JAKMIP1: variants seen among roughly 807,000 people sequenced by gnomAD.
The protein encoded by JAKMIP1 is janus kinase and microtubule interacting protein 1.
In JAKMIP1, 33 loss-of-function variants were observed where a neutral mutation model predicts 113.0. The ratio of observed to expected loss-of-function variants is 0.29; its 90% CI spans 0.22 to 0.39. The LOEUF is 0.39. Ranked by LOEUF, JAKMIP1 falls within the 10% of genes least tolerant of loss-of-function variation. The pLI, the probability that JAKMIP1 is intolerant of heterozygous loss-of-function variation, is 1.00. For missense variants in JAKMIP1, 813 were observed against 1,080.5 expected (o/e 0.75, Z 3.47); for synonymous variants, 480 against 459.9 (o/e 1.04, Z -0.56).
rs904374395 is a variant in JAKMIP1, at chr4:6,044,370, G to C, written c.2029-2143C>G. Among the ~76,000 whole-genome samples the C allele has an allele frequency of 6.6e-6, 1 of 152,126 alleles. No individual in the cohort carries two copies. The highest frequency in any genetic ancestry group is 1.5e-5 in the Non-Finnish European group (1 of 68,030). On this transcript the variant is annotated intron_variant, in intron 16 of 20. Coordinates refer to ENST00000409021, the MANE Select transcript of JAKMIP1 (RefSeq NM_001099433.2). This position sits in a 1 kb window ranked among gnomAD's most constrained non-coding sequence, Gnocchi z 4.4. ...TGGTGGGGTGTGTGCTGCCTGAACA[G>C]AGGGGACTAGAACTGATCGGCTCCT...
intron 12 of JAKMIP1, 36 bp downstream of exon 12, chr4:6,056,661 T>C: frequency 6.4e-7 from 1 of 1,573,212 alleles, no homozygotes; most frequent in Non-Finnish European, 8.7e-7. Context: ...CCAACTGCCC[T>C]GCGGCTGTGT....
At chr4:6,082,008 C>G (rs1720633338) in intron 5 of JAKMIP1, among the ~76,000 whole-genome samples, 1 of 152,144 alleles carries the variant, frequency 6.6e-6, no homozygotes, top group African/African-American at 2.4e-5. Context: ...GTGGTAGTCT[C>G]CCAGTGTTAT....
chr4:6,043,777 T>C (rs955901514), intron 16 of JAKMIP1, among the ~76,000 whole-genome samples: 2 of 127,716 alleles, frequency 1.6e-5, no homozygotes, highest in African/African-American at 3.0e-5. Flanking sequence ...GCAAGTTCCC[T>C]AAAAAACACA....
intron 1 of JAKMIP1, among the ~76,000 whole-genome samples, chr4:6,131,988 G>T (rs1402332958): frequency 6.6e-6 from 1 of 152,138 alleles, no homozygotes; most frequent in Non-Finnish European, 1.5e-5. Flanking sequence ...AATGACAAAG[G>T]TCAGAAACTC....
rs1423432238 is a variant in JAKMIP1, at chr4:6,031,165, G to A, written c.2380-1384C>T. Among the ~76,000 whole-genome samples the A allele has an allele frequency of 6.6e-6, 1 of 152,192 alleles. No individual in the cohort carries two copies. The highest frequency in any genetic ancestry group is 1.5e-5 in the Non-Finnish European group (1 of 68,040). On this transcript the variant is annotated intron_variant, in intron 19 of 20. Coordinates refer to ENST00000409021, the MANE Select transcript of JAKMIP1 (RefSeq NM_001099433.2). The surrounding 1 kb of genome is among the most constrained non-coding windows in gnomAD (Gnocchi z 4.4). ...AAACCAAGAGGGGCTGGGCACGGTG[G>A]CTCAAGCCTGTAATCCCAGCACTTT...
rs909174724 is a variant in JAKMIP1 at position 6,176,622 on chromosome 4, T to C, written c.-148+23631A>G. On this transcript the variant is annotated intron_variant, in intron 1 of 20. Transcript: ENST00000409021. The surrounding 1 kb of genome is among the most constrained non-coding windows in gnomAD (Gnocchi z 5.5). ...TGGGAGATAACTCCATGTTTACAAATGGGGAAACTGAGGCTTGCAGTGGTA... is the reference window on the plus strand; with the variant it reads ...TGGGAGATAACTCCATGTTTACAAACGGGGAAACTGAGGCTTGCAGTGGTA... 6.6e-6 allele frequency among the ~76,000 whole-genome samples: 1 copy of C among 152,058 alleles called. No individual in the cohort carries two copies. The highest frequency in any genetic ancestry group is 1.5e-5 in the Non-Finnish European group (1 of 68,004).
At chr4:6,098,940 T>C (rs11722964) in intron 3 of JAKMIP1, among the ~76,000 whole-genome samples, 72,519 of 152,082 alleles carry the variant, frequency 0.48, 18,586 homozygotes, top group East Asian at 0.75. Context: ...GTAGCTTTTG[T>C]GCTCATCTTC....
At chr4:6,099,398 C>T (rs1009743056) in intron 3 of JAKMIP1, among the ~76,000 whole-genome samples, 1 of 152,188 alleles carries the variant, frequency 6.6e-6, no homozygotes, top group Non-Finnish European at 1.5e-5. Flanking sequence ...CCTTTTTAAA[C>T]CTTGATTTGT....
chr4:6,068,636 C>T (rs565445436), intron 8 of JAKMIP1, among the ~76,000 whole-genome samples: 2 of 148,476 alleles, frequency 1.3e-5, no homozygotes, highest in Non-Finnish European at 3.0e-5. Flanking sequence ...CAACTTACTA[C>T]AACTTCCGTC....
intron 1 of JAKMIP1, among the ~76,000 whole-genome samples, chr4:6,130,571 G>A (rs1253036338): frequency 1.3e-5 from 2 of 152,146 alleles, no homozygotes; most frequent in African/African-American, 4.8e-5. Context: ...TAGAGAAGCT[G>A]GAATGATCAG....
chr4:6,169,934 C>T (rs1054030284), intron 1 of JAKMIP1, among the ~76,000 whole-genome samples: 1 of 151,200 alleles, frequency 6.6e-6, no homozygotes, highest in African/African-American at 2.4e-5. Context: ...TCTACCACCA[C>T]CGATACTACC....
intron 1 of JAKMIP1, among the ~76,000 whole-genome samples, chr4:6,148,067 T>A (rs1721072103): frequency 6.6e-6 from 1 of 152,234 alleles, no homozygotes; most frequent in African/African-American, 2.4e-5. Flanking sequence ...CCACAGGTAC[T>A]AAGCAGGTGC....
At chr4:6,104,600 T>C (rs983039198) in intron 3 of JAKMIP1, among the ~76,000 whole-genome samples, 4 of 152,264 alleles carry the variant, frequency 2.6e-5, no homozygotes, top group African/African-American at 9.6e-5. Flanking sequence ...TGTTACTCTT[T>C]GATCCAGTCT....
At chr4:6,130,037 T>C (rs1298049646) in intron 1 of JAKMIP1, among the ~76,000 whole-genome samples, 1 of 152,220 alleles carries the variant, frequency 6.6e-6, no homozygotes, top group East Asian at 1.9e-4. Context: ...TCTGGCCTCA[T>C]GGTCAGAGAC....
In JAKMIP1 at chr4:6,106,515, T is replaced by G. The variant is rs1713978803; in HGVS notation, c.130-548A>C. ...TCACGGTCTTGGGAAGGAAGTAGCG[T>G]GCTCCCTCTCTTTCTCCCTCTCTCC... On this transcript the variant is annotated intron_variant, in intron 2 of 20. Coordinates refer to ENST00000409021, the MANE Select transcript of JAKMIP1 (RefSeq NM_001099433.2). The surrounding 1 kb of genome is among the most constrained non-coding windows in gnomAD (Gnocchi z 5.9). Among the ~76,000 whole-genome samples the G allele has an allele frequency of 6.6e-6, 1 of 151,164 alleles. No individual in the cohort carries two copies. The highest frequency in any genetic ancestry group is 1.5e-5 in the Non-Finnish European group (1 of 67,886).
chr4:6,112,763 G>A lies in JAKMIP1; in HGVS notation c.88C>T (p.Leu30=), dbSNP rs1715155470. 11 of 1,614,074 alleles carry A rather than the reference G, an allele frequency of 6.8e-6. No homozygotes were observed. In the East Asian group the frequency reaches 2.5e-4, roughly 36 times the overall value. ...TGGAACTCGATCTGAATGCTGGTCA[G>A]CTTGGCCCGCAGCTCCTCGTTGGCC... ...QMANEELRAK[L]TSIQIEFQQE... The change falls in exon 2 of 21, where the codon CTG becomes TTG. Residue 30 remains leucine, a synonymous_variant. Transcript: ENST00000409021.
intron 1 of JAKMIP1, among the ~76,000 whole-genome samples, chr4:6,118,197 A>C (rs1238545220): frequency 6.6e-6 from 1 of 152,218 alleles, no homozygotes; most frequent in Admixed American, 6.5e-5. Flanking sequence ...GAAGTAATAA[A>C]TGTCCATAAA....
rs1312653751 is a variant in JAKMIP1, at chr4:6,136,561, T to C, written c.-147-23564A>G. On this transcript the variant is annotated intron_variant, in intron 1 of 20. Coordinates refer to ENST00000409021, the MANE Select transcript of JAKMIP1 (RefSeq NM_001099433.2). The surrounding 1 kb of genome is among the most constrained non-coding windows in gnomAD (Gnocchi z 5.9). ...ACAATTTGGGCACTGAGCGACTAAG[T>C]TCCTGTCCACGGTCACACAACCAAG... Among the ~76,000 whole-genome samples the C allele has an allele frequency of 1.3e-5, 2 of 152,126 alleles. No individual in the cohort carries two copies. The highest frequency in any genetic ancestry group is 2.1e-4 in the South Asian group (1 of 4,822).
intron 1 of JAKMIP1, among the ~76,000 whole-genome samples, chr4:6,130,806 A>G (rs549286713): frequency 1.3e-5 from 2 of 152,302 alleles, no homozygotes; most frequent in South Asian, 4.1e-4. Flanking sequence ...GGGCTTCAAC[A>G]TACGTCAATA....
Sources: allele counts gnomAD v4.1 joint callset (sites outside exome capture counted in the v4.1 genomes callset), GRCh38; gene constraint gnomAD v4.1.1; non-coding constraint Gnocchi (gnomAD v3.1); transcripts MANE v1.5; gene names NCBI Gene and HGNC (gene_info 2026-07-23, HGNC 2026-07-21).